Variants in COMMD1 observed in about 807,000 individuals in gnomAD.
The protein encoded by COMMD1 is copper metabolism domain containing 1.
A neutral mutation model predicts 17.2 loss-of-function variants in COMMD1; 10 were observed. The observed-to-expected ratio is 0.58, with a 90% CI of 0.36 to 0.99. COMMD1 has a LOEUF of 0.99. COMMD1 is among the 50% of genes least tolerant of loss of function. The pLI is 0.01. For missense variants in COMMD1, 270 were observed against 231.8 expected (o/e 1.17, Z -1.07); for synonymous variants, 97 against 91.6 (o/e 1.06, Z -0.34).
chr2:62,073,081 G>A (rs747924959), intron 2 of COMMD1, among the ~76,000 whole-genome samples: 45 of 152,210 alleles, frequency 3.0e-4, no homozygotes, highest in East Asian at 1.3e-3. Flanking sequence ...TGTGTGGACC[G>A]CCACATGGGT....
intron 2 of COMMD1, among the ~76,000 whole-genome samples, chr2:62,115,310 T>C (rs1042229000): frequency 6.6e-6 from 1 of 152,232 alleles, no homozygotes; most frequent in African/African-American, 2.4e-5. Context: ...CACGCACACA[T>C]AGTGTGCAAT....
chr2:61,894,820 T>C (rs1266958904), intron 1 of COMMD1, among the ~76,000 whole-genome samples: 1 of 151,924 alleles, frequency 6.6e-6, no homozygotes, highest in Non-Finnish European at 1.5e-5. Context: ...TGCCTCAGAC[T>C]CCCAAGTAGC....
chr2:61,901,388 C>T (rs183790722), upstream of COMMD1, among the ~76,000 whole-genome samples: 926 of 151,370 alleles, frequency 6.1e-3, 9 homozygotes, highest in African/African-American at 0.021. Flanking sequence ...TTTGGGAGGC[C>T]GAGGTGGGTG....
chr2:62,089,611 G>T (rs1292387639), intron 2 of COMMD1, among the ~76,000 whole-genome samples: 2 of 152,108 alleles, frequency 1.3e-5, no homozygotes, highest in African/African-American at 4.8e-5. Context: ...ATATGGCAGG[G>T]AAACATGTCT....
At chr2:61,946,973 CAATT>C (rs1211137455) in intron 1 of COMMD1, among the ~76,000 whole-genome samples, 2 of 152,100 alleles carry the variant, frequency 1.3e-5, no homozygotes, top group Admixed American at 6.5e-5. Flanking sequence ...TTATTTTTAA[CAATT>C]AATCTTTATT....
At chr2:61,912,250 A>G (rs1337333198) in intron 1 of COMMD1, among the ~76,000 whole-genome samples, 1 of 152,192 alleles carries the variant, frequency 6.6e-6, no homozygotes, top group Non-Finnish European at 1.5e-5. Context: ...GGCACTTAGT[A>G]AAAGTTTGTA....
rs548055343 is a variant in COMMD1, at chr2:62,101,617, C to A, written c.463-34214C>A. Among the ~76,000 whole-genome samples the A allele has an allele frequency of 1.4e-3, 212 of 151,898 alleles. 1 individual carries two copies. The highest frequency in any genetic ancestry group is 1.5e-3 in the African/African-American group (60 of 41,358). ...AGAACAAGACCCTGTCTCTCTCTCTCTCTATATATATATATATGGTCCCCA... is the reference window on the plus strand; with the variant it reads ...AGAACAAGACCCTGTCTCTCTCTCTATCTATATATATATATATGGTCCCCA... On this transcript the variant is annotated intron_variant, in intron 2 of 2. Coordinates refer to ENST00000311832, the MANE Select transcript of COMMD1 (RefSeq NM_152516.4).
intron 2 of COMMD1, chr2:62,084,752 T>G (rs1020827539): frequency 6.6e-6 from 1 of 152,360 alleles, no homozygotes; most frequent in Admixed American, 6.5e-5. Flanking sequence ...TTCTTTTAAA[T>G]GCTCTACATA....
chr2:61,989,970 G>A (rs866026618), intron 1 of COMMD1, among the ~76,000 whole-genome samples: 16 of 152,128 alleles, frequency 1.1e-4, no homozygotes, highest in African/African-American at 2.9e-4. Flanking sequence ...AAAGACCCCC[G>A]TCCCAGATTT....
intron 1 of COMMD1, 76 bp from the exon 2 acceptor site, chr2:62,000,625 A>G: frequency 7.3e-7 from 1 of 1,363,112 alleles, no homozygotes; most frequent in East Asian, 2.3e-5. Context: ...TCAAAATATA[A>G]TCTGTAGTTA....
chr2:61,895,831 C>T (rs375410137), intron 1 of COMMD1, among the ~76,000 whole-genome samples: 7 of 152,240 alleles, frequency 4.6e-5, no homozygotes, highest in South Asian at 2.1e-4. Flanking sequence ...TGGTAATAGG[C>T]GCATTGTCTG....
At position 62,067,048 on chromosome 2, in the gene COMMD1, C is replaced by A. The variant is rs565717349; in HGVS notation, c.462+66066C>A. ...GCCCAAATCTATATAGATTGATGGG[C>A]TATTTGTTATTGTTAAAATCCTAGG... On this transcript the variant is annotated intron_variant, in intron 2 of 2. Transcript: ENST00000311832. Among the ~76,000 whole-genome samples, 25 of 152,044 alleles carry A rather than the reference C, an allele frequency of 1.6e-4. No individual in the cohort carries two copies. The South Asian group carries it at 4.1e-3, about 25-fold the overall frequency.
At chr2:62,099,608 C>T (rs1323052415) in intron 2 of COMMD1, among the ~76,000 whole-genome samples, 1 of 150,952 alleles carries the variant, frequency 6.6e-6, no homozygotes, top group Non-Finnish European at 1.5e-5. Context: ...GACCTGTGGC[C>T]TAAGGCTTTT....
intron 1 of COMMD1, among the ~76,000 whole-genome samples, chr2:61,981,089 C>T (rs907236171): frequency 6.6e-6 from 1 of 152,100 alleles, no homozygotes; most frequent in African/African-American, 2.4e-5. Flanking sequence ...TATTTTCTCC[C>T]ATTCTGTGGA....
In COMMD1 at chr2:61,915,408, C is replaced by T. The variant is rs566354091; in HGVS notation, c.180+9550C>T. The stretch of plus-strand genomic sequence containing the variant: ...ATTCTAATTTTCTCTTATTTTCTAC[C>T]CCATTTTTCATGTGTTTTTTTCCCA... On this transcript the variant is annotated intron_variant, in intron 1 of 2. Transcript: ENST00000311832. 5.3e-5 allele frequency among the ~76,000 whole-genome samples: 8 copies of T among 152,142 alleles called. No individual in the cohort carries two copies. In the South Asian group the frequency reaches 1.7e-3, roughly 32 times the overall value.
intron 2 of COMMD1, among the ~76,000 whole-genome samples, chr2:62,119,743 C>A (rs1672695655): frequency 6.6e-6 from 1 of 152,216 alleles, no homozygotes; most frequent in Non-Finnish European, 1.5e-5. Flanking sequence ...TGGAGAAGAA[C>A]TGCAATCCCA....
chr2:61,997,217 G>A (rs952142570), intron 1 of COMMD1, among the ~76,000 whole-genome samples: 10 of 151,644 alleles, frequency 6.6e-5, no homozygotes, highest in African/African-American at 2.2e-4. Context: ...GTACTACCCC[G>A]CTTGGCTAGT....
At chr2:62,110,970 A>G (rs1672440523) in intron 2 of COMMD1, among the ~76,000 whole-genome samples, 1 of 152,208 alleles carries the variant, frequency 6.6e-6, no homozygotes, top group South Asian at 2.1e-4. Flanking sequence ...AGGCCCAGCT[A>G]AGATGGCCAC....
chr2:62,070,783 A>G (rs1671180027), intron 2 of COMMD1, among the ~76,000 whole-genome samples: 1 of 152,240 alleles, frequency 6.6e-6, no homozygotes, highest in East Asian at 1.9e-4. Flanking sequence ...TAATCCCAGC[A>G]CTTTGGGAGG....
Sources: gnomAD v4.1 joint callset for allele counts (sites outside exome capture counted in the v4.1 genomes callset) on GRCh38, gnomAD v4.1.1 for gene constraint, MANE v1.5 for transcripts, NCBI Gene and HGNC (gene_info 2026-07-23, HGNC 2026-07-21) for gene names.